Variants in HRH1 observed in about 807,000 individuals in gnomAD.
HRH1 encodes histamine receptor H1.
HRH1 carries 6 observed loss-of-function variants against 10.3 expected under a neutral mutation model. The ratio of observed to expected loss-of-function variants is 0.58; its 90% CI spans 0.32 to 1.15. The LOEUF (loss-of-function observed/expected upper bound fraction) is 1.15. Among genes scored for constraint, HRH1 ranks in the 50% most tolerant of loss-of-function variants. The pLI is 0.05. For missense variants in HRH1, 514 were observed against 615.3 expected, an observed-to-expected ratio of 0.84 and a Z score of 1.74; for synonymous variants, 242 against 236.7, an observed-to-expected ratio of 1.02 and a Z score of -0.21.
In HRH1 at chr3:11,256,091, G is replaced by A. The variant is rs576178384; in HGVS notation, c.-35-2912G>A. On this transcript the variant is annotated intron_variant, in intron 1 of 1. Transcript: ENST00000431010. ...TGTCCTCATAGGAGGTGATGGCTGA[G>A]GGGTAGGTAAGTGAGAGGATGAGAT... 4.1e-4 allele frequency among the ~76,000 whole-genome samples: 62 copies of A among 152,262 alleles called. No homozygotes were observed. In the South Asian group the frequency reaches 0.012, roughly 30 times the overall value.
chr3:11,200,612 ATGTGC>A (rs1353490964), intron 1 of HRH1, among the ~76,000 whole-genome samples: 1 of 152,172 alleles, frequency 6.6e-6, no homozygotes, highest in Non-Finnish European at 1.5e-5. Flanking sequence ...AGCAGGAACT[ATGTGC>A]TGTTCATTTC....
chr3:11,242,569 C>T (rs1939378488), intron 1 of HRH1, among the ~76,000 whole-genome samples: 1 of 150,916 alleles, frequency 6.6e-6, no homozygotes, highest in African/African-American at 2.4e-5. Flanking sequence ...ACACCAGGAA[C>T]CTGCCGGAAG....
At chr3:11,189,228 C>T (rs968912397) in intron 1 of HRH1, among the ~76,000 whole-genome samples, 13 of 152,054 alleles carry the variant, frequency 8.5e-5, no homozygotes, top group African/African-American at 2.7e-4. Context: ...ATTACCCTTC[C>T]GAGTCCAGGA....
At chr3:11,174,504 A>G (rs1415703939) in intron 1 of HRH1, among the ~76,000 whole-genome samples, 4 of 152,296 alleles carry the variant, frequency 2.6e-5, no homozygotes, top group Middle Eastern at 3.4e-3. Context: ...GATGATGCCT[A>G]TTGGGACTTC....
chr3:11,175,976 T>C (rs1937240530), intron 1 of HRH1, among the ~76,000 whole-genome samples: 1 of 151,828 alleles, frequency 6.6e-6, no homozygotes, highest in South Asian at 2.1e-4. Context: ...CTGGGCAACA[T>C]GGCAAAACCC....
intron 1 of HRH1, among the ~76,000 whole-genome samples, chr3:11,197,678 C>A (rs1266168791): frequency 6.6e-6 from 1 of 152,132 alleles, no homozygotes; most frequent in Non-Finnish European, 1.5e-5. Context: ...CACTGGTCAT[C>A]GCTGTAAACA....
chr3:11,224,775 G>A (rs1315382933), intron 1 of HRH1, among the ~76,000 whole-genome samples: 1 of 152,062 alleles, frequency 6.6e-6, no homozygotes, highest in Non-Finnish European at 1.5e-5. Flanking sequence ...CCTCATAACT[G>A]TGAGGTTGGA....
chr3:11,250,400 G>A (rs1939617586), intron 1 of HRH1, among the ~76,000 whole-genome samples: 1 of 151,786 alleles, frequency 6.6e-6, no homozygotes. Flanking sequence ...TAGGTACTTT[G>A]GAGAGGGGTA....
chr3:11,149,040 C>T (rs980595740), intron 1 of HRH1, among the ~76,000 whole-genome samples: 3 of 152,104 alleles, frequency 2.0e-5, no homozygotes, highest in Non-Finnish European at 2.9e-5. Flanking sequence ...TGTTATGTTG[C>T]TTTGCATGCT....
At chr3:11,213,188 T>C (rs980330333) in intron 1 of HRH1, among the ~76,000 whole-genome samples, 1 of 152,254 alleles carries the variant, frequency 6.6e-6, no homozygotes, top group Non-Finnish European at 1.5e-5. Context: ...TAGCTCCTTG[T>C]GGACGAGCAC....
intron 1 of HRH1, chr3:11,234,673 T>A: frequency 8.3e-7 from 1 of 1,199,520 alleles, no homozygotes; most frequent in Non-Finnish European, 1.2e-6. Context: ...CTGCCGGCAG[T>A]AGGACATGGC....
At chr3:11,245,962 TAC>T (rs540636840) in intron 1 of HRH1, among the ~76,000 whole-genome samples, 13 of 151,320 alleles carry the variant, frequency 8.6e-5, no homozygotes, top group South Asian at 8.4e-4. Flanking sequence ...TACATACTCA[TAC>T]ACACACACTC....
intron 1 of HRH1, among the ~76,000 whole-genome samples, chr3:11,239,006 T>G (rs1196990948): frequency 6.6e-6 from 1 of 152,246 alleles, no homozygotes; most frequent in Admixed American, 6.5e-5. Context: ...GGTCACACGA[T>G]TAGTTCTCTT....
In HRH1 at chr3:11,259,571, C is replaced by T. The variant is rs759747934; in HGVS notation, c.534C>T (p.Asp178=). 6.2e-7 allele frequency: 1 copy of T among 1,614,048 alleles called. No homozygotes were observed. The change falls in exon 2 of 2, where the codon GAC becomes GAT. Residue 178 remains aspartate (D), a synonymous_variant. Coordinates refer to ENST00000431010, the MANE Select transcript of HRH1 (RefSeq NM_001098212.2). The surrounding 1 kb of genome is among the most constrained non-coding windows in gnomAD (Gnocchi z 4.6). The part of the protein sequence containing the change: ...FMQQTSVRRE[D]KCETDFYDVT... ...AGCAGACCTCGGTGCGCCGAGAGGACAAGTGTGAGACAGACTTCTATGATG... is the reference window on the plus strand; with the variant it reads ...AGCAGACCTCGGTGCGCCGAGAGGATAAGTGTGAGACAGACTTCTATGATG...
chr3:11,244,804 C>T (rs954151123), intron 1 of HRH1, among the ~76,000 whole-genome samples: 4 of 152,200 alleles, frequency 2.6e-5, no homozygotes, highest in African/African-American at 9.7e-5. Context: ...CTGAAAGCTG[C>T]ACTCTTGGGT....
At chr3:11,186,742 T>G (rs561134730) in intron 1 of HRH1, among the ~76,000 whole-genome samples, 1 of 152,294 alleles carries the variant, frequency 6.6e-6, no homozygotes, top group African/African-American at 2.4e-5. Context: ...CAGGTTGTTT[T>G]GGGCTAACAC....
At chr3:11,243,738 C>A (rs893001688) in intron 1 of HRH1, among the ~76,000 whole-genome samples, 1 of 152,196 alleles carries the variant, frequency 6.6e-6, no homozygotes, top group Non-Finnish European at 1.5e-5. Context: ...TTCCACCCAT[C>A]CTTCAAAGCC....
Position 11,234,610 on chromosome 3 carries a change from C to A in HRH1, c.-35-24393C>A, listed in dbSNP as rs1012124588. ...GTCATCAGCCACCAATTCTGCATTG[C>A]TTGGAGTTTCATGGTCTTCTTTGGT... On this transcript the variant is annotated intron_variant, in intron 1 of 1. Transcript: ENST00000431010. The A allele has an allele frequency of 2.1e-6, 3 of 1,438,634 alleles. No individual in the cohort carries two copies. The African/African-American group carries it at 4.2e-5, about 20-fold the overall frequency. The allele number at this position is 1,438,634 out of a possible 1,614,324, so 89.1% of individuals were successfully genotyped here. A position where few individuals can be genotyped will look rare whatever the true frequency, so the allele number is the denominator to read the frequency against.
chr3:11,172,035 T>C (rs113814161), intron 1 of HRH1, among the ~76,000 whole-genome samples: 4 of 152,348 alleles, frequency 2.6e-5, no homozygotes, highest in African/African-American at 9.6e-5. Flanking sequence ...TTGTATCACT[T>C]GTATCACAGC....
Sources: gnomAD v4.1 joint callset for allele counts (sites outside exome capture counted in the v4.1 genomes callset) on GRCh38, gnomAD v4.1.1 for gene constraint, Gnocchi (gnomAD v3.1) non-coding constraint, MANE v1.5 for transcripts, NCBI Gene and HGNC (gene_info 2026-07-23, HGNC 2026-07-21) for gene names.